The following UHRF1 variants were observed in gnomAD, a reference collection of about 807,000 sequenced individuals.
UHRF1 encodes ubiquitin like with PHD and ring finger domains 1, also known as E3 ubiquitin-protein ligase UHRF1.
Under a neutral mutation model 96.5 loss-of-function variants are expected in UHRF1, and 9 were observed. That is an observed-to-expected ratio of 0.09 (90% confidence interval 0.06 to 0.16). The LOEUF (loss-of-function observed/expected upper bound fraction) is 0.16. Among genes scored for constraint, UHRF1 ranks in the 10% least tolerant of loss-of-function variants. The pLI is 1.00. For synonymous variants in UHRF1, 455 were observed against 469.9 expected (o/e 0.97, Z 0.41); for missense variants, 626 against 1,131.1 (o/e 0.55, Z 6.40).
intron 1 of UHRF1, 25 bp from the exon 2 acceptor site, chr19:4,910,851 G>A: frequency 1.9e-6 from 3 of 1,582,174 alleles, no homozygotes; most frequent in Non-Finnish European, 2.6e-6. Flanking sequence ...AAACTGATGG[G>A]GGTTTTTGCT....
intron 5 of UHRF1, among the ~76,000 whole-genome samples, chr19:4,936,636 C>G (rs889912006): frequency 6.6e-6 from 1 of 151,982 alleles, no homozygotes; most frequent in African/African-American, 2.4e-5. Context: ...ATTGTAGATT[C>G]ACATGCAGTT....
chr19:4,927,519 C>T (rs2656918), intron 2 of UHRF1, among the ~76,000 whole-genome samples: 52,112 of 152,008 alleles, frequency 0.34, 9,442 homozygotes, highest in African/African-American at 0.44. Context: ...ATGCTGTTTG[C>T]ATTTGAACAG....
In UHRF1 at chr19:4,929,307, C is replaced by A. The variant is rs899536247; in HGVS notation, c.239C>A (p.Pro80His). The change falls in exon 3 of 17, where the codon CCC becomes CAC. Residue 80 changes from proline to histidine, a missense_variant. Pro to His is a moderately conservative substitution (Grantham distance 77). Around this residue, in one of 11 missense-constraint regions of UHRF1, gnomAD observed 53 missense variants for 95.9 expected, o/e 0.55. Coordinates refer to ENST00000650932, the MANE Select transcript of UHRF1 (RefSeq NM_001048201.3). Reference protein sequence around the residue: ...QLLVRQSLVLPHSTKERDSEL... With the variant: ...QLLVRQSLVLHHSTKERDSEL... The stretch of plus-strand genomic sequence containing the variant: ...CTGGTCCGCCAGAGCCTCGTGCTCC[C>A]CCACAGCACCAAGGAGCGGGACTCC... The A allele has an allele frequency of 6.2e-7, 1 of 1,613,744 alleles. No homozygotes were observed.
At chr19:4,960,365 G>A (rs1327216335) in intron 16 of UHRF1, among the ~76,000 whole-genome samples, 1 of 152,220 alleles carries the variant, frequency 6.6e-6, no homozygotes, top group Non-Finnish European at 1.5e-5. Context: ...TGTCAGGGAA[G>A]GCCCCATAAG....
intron 5 of UHRF1, among the ~76,000 whole-genome samples, chr19:4,938,274 T>G (rs2033275932): frequency 6.6e-6 from 1 of 152,104 alleles, no homozygotes; most frequent in Admixed American, 6.6e-5. Context: ...ACTATCTGTT[T>G]CATCATGTTT....
chr19:4,960,198 T>G (rs2033954174), intron 16 of UHRF1, among the ~76,000 whole-genome samples: 1 of 152,164 alleles, frequency 6.6e-6, no homozygotes, highest in South Asian at 2.1e-4. Context: ...CTGTGCTTGG[T>G]GTTGAGAGAG....
upstream of UHRF1, among the ~76,000 whole-genome samples, chr19:4,907,138 C>A (rs911593713): frequency 6.6e-6 from 1 of 152,214 alleles, no homozygotes; most frequent in Non-Finnish European, 1.5e-5. Flanking sequence ...TTGATAGAGC[C>A]TTGCTCTGTC....
chr19:4,946,745 T>C (rs1000570242), intron 10 of UHRF1, among the ~76,000 whole-genome samples: 3 of 152,022 alleles, frequency 2.0e-5, no homozygotes, highest in Admixed American at 6.6e-5. Context: ...AAACTAATTT[T>C]TGTATTTTTT....
upstream of UHRF1, among the ~76,000 whole-genome samples, chr19:4,908,115 C>G (rs1340862198): frequency 6.6e-6 from 1 of 152,166 alleles, no homozygotes; most frequent in Admixed American, 6.6e-5. Context: ...GGACATTGTG[C>G]CCACCTGGAT....
At chr19:4,960,042 A>G (rs2033950591) in intron 16 of UHRF1, among the ~76,000 whole-genome samples, 1 of 152,066 alleles carries the variant, frequency 6.6e-6, no homozygotes, top group Non-Finnish European at 1.5e-5. Context: ...TAGTAGAGAC[A>G]GGGTTTCACC....
intron 7 of UHRF1, 23 bp downstream of exon 7, chr19:4,941,954 C>A: frequency 6.8e-7 from 1 of 1,464,162 alleles, no homozygotes; most frequent in Admixed American, 2.7e-5. Context: ...CTGCCCGCCG[C>A]GGGGAGACCA....
At position 4,930,853 on chromosome 19, in the gene UHRF1, C is replaced by G; in HGVS notation, c.546C>G (p.Val182=). 1 of 1,613,950 alleles carries G rather than the reference C, an allele frequency of 6.2e-7. No individual in the cohort carries two copies. The highest frequency in any genetic ancestry group is 8.5e-7 in the Non-Finnish European group (1 of 1,179,870). The part of the protein sequence containing the change: ...STSRPALEED[V]IYHVKYDDYP... ...CCAGGCCGGCGCTGGAGGAGGACGT[C>G]ATTTACCACGTGAAATACGACGAGT... The change falls in exon 4 of 17, where the codon GTC becomes GTG. Residue 182 remains valine, a synonymous_variant. Transcript: ENST00000650932. The surrounding 1 kb of genome is among the most constrained non-coding windows in gnomAD (Gnocchi z 4.4).
chr19:4,934,821 G>A lies in UHRF1; in HGVS notation c.785+1865G>A, dbSNP rs1285559199. Among the ~76,000 whole-genome samples the A allele has an allele frequency of 2.1e-4, 32 of 152,194 alleles. 1 individual carries two copies. Among genetic ancestry groups the A allele is most frequent in the Non-Finnish European group, 8.8e-5 (6 of 68,034 alleles). On this transcript the variant is annotated intron_variant, in intron 5 of 16. Transcript: ENST00000650932. ...GTGATGGAGGGGAGTGGCTGGGGCT[G>A]TGGGAGCCTCCTCACTGAGTCTGGG...
intron 11 of UHRF1, 43 bp from the exon 12 acceptor site, chr19:4,950,568 A>G (rs757746340): frequency 2.5e-5 from 39 of 1,582,132 alleles, no homozygotes; most frequent in Non-Finnish European, 3.2e-5. Context: ...TTTGGGGGGT[A>G]CATCCTCACC....
At chr19:4,905,054 C>T (rs929116578), upstream of UHRF1, among the ~76,000 whole-genome samples, 1 of 151,314 alleles carries the variant, frequency 6.6e-6, no homozygotes, top group African/African-American at 2.4e-5. Flanking sequence ...CCCTGACCCA[C>T]GGGCCACATT....
rs541914269 is a variant in UHRF1 at position 4,957,659 on chromosome 19, T to A, written c.2235+846T>A. The stretch of plus-strand genomic sequence containing the variant: ...GGTTTGGGGCCAGGACAGGGTCTCT[T>A]CCCCCCTGTGCTGTGGGCCTTGGGG... On this transcript the variant is annotated intron_variant, in intron 16 of 16. Coordinates refer to ENST00000650932, the MANE Select transcript of UHRF1 (RefSeq NM_001048201.3). 2.6e-5 allele frequency among the ~76,000 whole-genome samples: 4 copies of A among 152,144 alleles called. No individual in the cohort carries two copies. In the East Asian group the frequency reaches 7.8e-4, roughly 30 times the overall value.
chr19:4,936,553 CCT>C lies in UHRF1; in HGVS notation c.785+3600_785+3601del, dbSNP rs544685429. Among the ~76,000 whole-genome samples the C allele has an allele frequency of 1.8e-4, 27 of 152,196 alleles. 1 individual carries two copies. In the East Asian group the frequency reaches 4.8e-3, roughly 27 times the overall value. On this transcript the variant is annotated intron_variant, in intron 5 of 16. Transcript: ENST00000650932. ...CCAGGGCTGACTTCTAAATGCAAGC[CCT>C]CTACACTGGTGTCTCTGCAGTGTGG...
Position 4,929,482 on chromosome 19 carries a change from C to T in UHRF1, c.408+6C>T, listed in dbSNP as rs781564882. 2 of 1,607,244 alleles carry T rather than the reference C, an allele frequency of 1.2e-6. No homozygotes were observed. The highest frequency in any genetic ancestry group is 1.7e-6 in the Non-Finnish European group (2 of 1,175,112). On this transcript the variant is annotated splice_donor_region_variant and intron_variant, in intron 3 of 16. Coordinates refer to ENST00000650932, the MANE Select transcript of UHRF1 (RefSeq NM_001048201.3). ...CGGAATTGGGGCTGTACAAGGTGAG[C>T]CTCCCCTCCGCAGCTGCTCTGGGGT... is the stretch of plus-strand genomic sequence containing the variant.
Position 4,942,595 on chromosome 19 carries a change from C to T in UHRF1, c.1073+664C>T, listed in dbSNP as rs542966285. Among the ~76,000 whole-genome samples, 863 of 152,178 alleles carry T rather than the reference C, an allele frequency of 5.7e-3. 8 individuals are homozygous for T. Among genetic ancestry groups the T allele is most frequent in the Non-Finnish European group, 5.5e-3 (371 of 67,998 alleles). ...TCCCGAGTAGCTGGGATTACAGGTG[C>T]CTGCCACCACATCCGGCTAATTTTT... On this transcript the variant is annotated intron_variant, in intron 7 of 16. Coordinates refer to ENST00000650932, the MANE Select transcript of UHRF1 (RefSeq NM_001048201.3).
Sources: allele counts gnomAD v4.1 joint callset (sites outside exome capture counted in the v4.1 genomes callset), GRCh38; gene constraint gnomAD v4.1.1; regional missense constraint gnomAD v4.1.1; non-coding constraint Gnocchi (gnomAD v3.1); transcripts MANE v1.5; gene names NCBI Gene and HGNC (gene_info 2026-07-23, HGNC 2026-07-21).